Variants in PTPN12 observed in about 807,000 individuals in gnomAD.
PTPN12 encodes the protein tyrosine-protein phosphatase non-receptor type 12.
Under a neutral mutation model 97.6 loss-of-function variants are expected in PTPN12, and 29 were observed. That is an observed-to-expected ratio of 0.30 (90% CI 0.22 to 0.41). The LOEUF (loss-of-function observed/expected upper bound fraction) is 0.41, where lower values mean the gene tolerates loss of function less well. PTPN12 is among the 10% of genes least tolerant of loss of function. The pLI is 1.00. For synonymous variants in PTPN12, 327 were observed against 300.4 expected (o/e 1.09, Z -0.91); for missense variants, 819 against 926.0 (o/e 0.88, Z 1.50).
chr7:77,539,667 C>G (rs1233967969), intron 1 of PTPN12, among the ~76,000 whole-genome samples: 1 of 151,890 alleles, frequency 6.6e-6, no homozygotes, highest in East Asian at 1.9e-4. Context: ...TACGCTCTGT[C>G]GCCCCGGCTG....
chr7:77,589,523 T>C (rs909157818), intron 5 of PTPN12, among the ~76,000 whole-genome samples: 7 of 152,120 alleles, frequency 4.6e-5, no homozygotes, highest in Non-Finnish European at 5.9e-5. Flanking sequence ...ATATTTAAAA[T>C]TATCTTTAGT....
At chr7:77,626,033 G>C (rs1465815039) in intron 12 of PTPN12, among the ~76,000 whole-genome samples, 1 of 152,152 alleles carries the variant, frequency 6.6e-6, no homozygotes, top group African/African-American at 2.4e-5. Flanking sequence ...GTCCACACTG[G>C]AGCAGGAGGC....
rs1303070665 is a variant in PTPN12 at position 77,632,407 on chromosome 7, G to A, written c.2056G>A (p.Val686Met). Reference sequence around the variant, plus strand: ...ACCTGAAAGAACTCCTGAATCGTTTGTGTTAGCAAGTGAACATAGTGAGTG... The same window carrying A: ...ACCTGAAAGAACTCCTGAATCGTTTATGTTAGCAAGTGAACATAGTGAGTG... ...PLPERTPESFVLASEHNTPVR... is the reference protein window; with the variant it reads ...PLPERTPESFMLASEHNTPVR... Residue 686 changes from valine (V) to methionine (M), a missense_variant, in exon 14 of 18, where the codon GTG becomes ATG. Val to Met is a conservative substitution (Grantham distance 21, BLOSUM62 1). Coordinates refer to ENST00000248594, the MANE Select transcript of PTPN12 (RefSeq NM_002835.4). 1.2e-6 allele frequency: 2 copies of A among 1,608,672 alleles called. No individual in the cohort carries two copies. The highest frequency in any genetic ancestry group is 8.5e-7 in the Non-Finnish European group (1 of 1,175,238).
intron 1 of PTPN12, among the ~76,000 whole-genome samples, chr7:77,544,958 G>A (rs1377956763): frequency 6.6e-6 from 1 of 152,112 alleles, no homozygotes; most frequent in Non-Finnish European, 1.5e-5. Context: ...ATAACTCGTT[G>A]TATTTTCAGT....
At chr7:77,571,694 ATTTT>A (rs1283172414) in intron 2 of PTPN12, among the ~76,000 whole-genome samples, 9 of 112,210 alleles carry the variant, frequency 8.0e-5, no homozygotes, top group African/African-American at 3.2e-4. Context: ...TTCTAATGAT[ATTTT>A]ATTTATTTAT....
At chr7:77,564,019 G>A (rs1239387150) in intron 1 of PTPN12, 4 of 352,730 alleles carry the variant, frequency 1.1e-5, no homozygotes, top group African/African-American at 2.2e-5. Context: ...CTGGGACTAC[G>A]GGCACACACC....
chr7:77,632,135 AGT>A (rs1789419568), intron 13 of PTPN12, among the ~76,000 whole-genome samples: 1 of 152,230 alleles, frequency 6.6e-6, no homozygotes, highest in Non-Finnish European at 1.5e-5. Context: ...GTGACAGGAA[AGT>A]CATGGGAGAG....
rs879927907 is a variant in PTPN12, at chr7:77,617,950, A to G, written c.940-530A>G. On this transcript the variant is annotated intron_variant, in intron 11 of 17. Coordinates refer to ENST00000248594, the MANE Select transcript of PTPN12 (RefSeq NM_002835.4). ...CAGTGATATAGGAGCTATATTCCCT[A>G]ATGGATTAGAGCACTCCACATAGTG... Among the ~76,000 whole-genome samples, 4 of 152,096 alleles carry G rather than the reference A, an allele frequency of 2.6e-5. No individual in the cohort carries two copies. The South Asian group carries it at 8.3e-4, about 32-fold the overall frequency.
chr7:77,599,369 G>A (rs1043695755), intron 7 of PTPN12, among the ~76,000 whole-genome samples: 1 of 141,572 alleles, frequency 7.1e-6, no homozygotes, highest in Non-Finnish European at 1.5e-5. Context: ...TGCCCAGGCT[G>A]GACTCAAACT....
At position 77,607,219 on chromosome 7, in the gene PTPN12, A is replaced by G; in HGVS notation, c.696-16A>G. On this transcript the variant is annotated splice_polypyrimidine_tract_variant and intron_variant, in intron 8 of 17. Coordinates refer to ENST00000248594, the MANE Select transcript of PTPN12 (RefSeq NM_002835.4). Reference sequence around the variant, plus strand: ...TATCACAAAAATCAATTGTTTTTCAAACTTTATATCCTTAGTGCAGGCTGT... The same window carrying G: ...TATCACAAAAATCAATTGTTTTTCAGACTTTATATCCTTAGTGCAGGCTGT... The G allele has an allele frequency of 1.3e-6, 2 of 1,558,634 alleles. No homozygotes were observed. Among genetic ancestry groups the G allele is most frequent in the African/African-American group, 1.4e-5 (1 of 72,526 alleles).
At chr7:77,638,205 G>T (rs934999904) in intron 16 of PTPN12, among the ~76,000 whole-genome samples, 2 of 151,486 alleles carry the variant, frequency 1.3e-5, no homozygotes, top group African/African-American at 4.9e-5. Flanking sequence ...TGATCGGCTC[G>T]CCTCGGCCTC....
At chr7:77,573,878 A>T (rs1477810912) in intron 2 of PTPN12, among the ~76,000 whole-genome samples, 1 of 152,176 alleles carries the variant, frequency 6.6e-6, no homozygotes, top group African/African-American at 2.4e-5. Flanking sequence ...TTCCTGCCTC[A>T]GCCTCCCAAG....
chr7:77,603,883 CTTTTTTTT>C lies in PTPN12; in HGVS notation c.695+3093_695+3100del, dbSNP rs773037726. 8.0e-5 allele frequency among the ~76,000 whole-genome samples: 7 copies of C among 87,858 alleles called. No individual in the cohort carries two copies. The East Asian group carries it at 1.6e-3, about 20-fold the overall frequency. 57.6% of individuals were successfully genotyped at this position (87,858 alleles called of 152,430 possible). On this transcript the variant is annotated intron_variant, in intron 8 of 17. Coordinates refer to ENST00000248594, the MANE Select transcript of PTPN12 (RefSeq NM_002835.4). ...ATACTGTGTGTTATCTTTTTGTTTG[CTTTTTTTT>C]TTTTTTTTTTTTTTTGAGACAGAGT...
Position 77,626,931 on chromosome 7 carries a change from A to G in PTPN12, c.1252A>G (p.Lys418Glu). 6.2e-7 allele frequency: 1 copy of G among 1,607,380 alleles called. No individual in the cohort carries two copies. Among genetic ancestry groups the G allele is most frequent in the Non-Finnish European group, 8.5e-7 (1 of 1,177,388 alleles). ...NYSKSTELPG[K>E]NESTIEQIDK... Reference sequence around the variant, plus strand: ...TAGTAAATCAACAGAACTTCCAGGGAAAAATGAATCAACAATTGAACAGAT... The same window carrying G: ...TAGTAAATCAACAGAACTTCCAGGGGAAAATGAATCAACAATTGAACAGAT... The change falls in exon 13 of 18, where the codon AAA becomes GAA. Residue 418 changes from lysine to glutamate, a missense_variant. This residue lies in a region of PTPN12 where 607 missense variants were observed against 577.3 expected (regional missense o/e 1.05). Transcript: ENST00000248594.
At chr7:77,549,940 T>C (rs531087942) in intron 1 of PTPN12, among the ~76,000 whole-genome samples, 1 of 152,316 alleles carries the variant, frequency 6.6e-6, no homozygotes, top group East Asian at 1.9e-4. Context: ...ATGTCAGAAA[T>C]ATATCACTAT....
At chr7:77,593,849 G>A (rs1377287110) in intron 6 of PTPN12, among the ~76,000 whole-genome samples, 2 of 152,148 alleles carry the variant, frequency 1.3e-5, no homozygotes, top group Non-Finnish European at 2.9e-5. Flanking sequence ...AGAGTTTCTT[G>A]TTTTTGACTT....
intron 1 of PTPN12, among the ~76,000 whole-genome samples, chr7:77,558,589 T>C (rs1018200767): frequency 6.6e-6 from 1 of 152,206 alleles, no homozygotes; most frequent in Non-Finnish European, 1.5e-5. Flanking sequence ...AAGAGTAACA[T>C]AGCAGGCCTA....
At chr7:77,552,671 A>C (rs1381179264) in intron 1 of PTPN12, among the ~76,000 whole-genome samples, 1 of 152,224 alleles carries the variant, frequency 6.6e-6, no homozygotes, top group Non-Finnish European at 1.5e-5. Context: ...TACAAAAGTA[A>C]AAATAGGCAG....
Position 77,627,243 on chromosome 7 carries a change from A to G in PTPN12, c.1564A>G (p.Arg522Gly). The change falls in exon 13 of 18, where the codon AGG (arginine) becomes GGG (glycine). Residue 522 changes from arginine (R) to glycine (G), a missense_variant. By Grantham distance (125) the Arg-to-Gly change is moderately radical. This residue lies in a region of PTPN12 where 607 missense variants were observed against 577.3 expected (regional missense o/e 1.05). Coordinates refer to ENST00000248594, the MANE Select transcript of PTPN12 (RefSeq NM_002835.4). ...EESQNSDTPPRPDRLPLDEKG... is the reference protein window; with the variant it reads ...EESQNSDTPPGPDRLPLDEKG... ...ATCCCAGAATTCAGACACACCTCCA[A>G]GGCCAGACCGCTTGCCTCTTGATGA... The G allele has an allele frequency of 6.2e-7, 1 of 1,614,162 alleles. No homozygotes were observed. Among genetic ancestry groups the G allele is most frequent in the Non-Finnish European group, 8.5e-7 (1 of 1,179,996 alleles).
Sources: allele counts gnomAD v4.1 joint callset (sites outside exome capture counted in the v4.1 genomes callset), GRCh38; gene constraint gnomAD v4.1.1; regional missense constraint gnomAD v4.1.1; transcripts MANE v1.5; gene names NCBI Gene and HGNC (gene_info 2026-07-23, HGNC 2026-07-21).